MFHAS1: variants seen among roughly 807,000 people sequenced by gnomAD.
The protein encoded by MFHAS1 is multifunctional ROCO family signaling regulator 1.
In MFHAS1, 50 loss-of-function variants were observed where a neutral mutation model predicts 70.4. That is an observed-to-expected ratio of 0.71 (90% CI 0.57 to 0.90). The LOEUF is 0.90. MFHAS1 is among the 40% of genes least tolerant of loss of function. The pLI, the probability that MFHAS1 is intolerant of heterozygous loss-of-function variation, is 0.00. For missense variants in MFHAS1, 1,795 were observed against 1,347.6 expected, an observed-to-expected ratio of 1.33 and a Z score of -5.20; for synonymous variants, 952 against 620.0, an observed-to-expected ratio of 1.54 and a Z score of -7.96.
chr8:8,798,120 A>G (rs1303771026), intron 1 of MFHAS1, among the ~76,000 whole-genome samples: 5 of 152,196 alleles, frequency 3.3e-5, no homozygotes, highest in Admixed American at 1.3e-4. Context: ...CACAATACTT[A>G]AAGGAACGCT....
At chr8:8,829,743 G>A (rs1807300350) in intron 1 of MFHAS1, among the ~76,000 whole-genome samples, 2 of 152,198 alleles carry the variant, frequency 1.3e-5, no homozygotes, top group African/African-American at 4.8e-5. Flanking sequence ...TATCCTCAGT[G>A]CCTGACACAA....
rs1805454462 is a variant in MFHAS1, at chr8:8,784,177, A to G, written c.*1845T>C. ...TTCTAAAGACAGGTCAAAGTTGGTT[A>G]ATTTAACAGTTGAGGAACCGTCTCA... On this transcript the variant is annotated 3_prime_UTR_variant, in exon 3 of 3. Coordinates refer to ENST00000276282, the MANE Select transcript of MFHAS1 (RefSeq NM_004225.3). 6.6e-6 allele frequency: 1 copy of G among 152,170 alleles called. No individual in the cohort carries two copies. Among genetic ancestry groups the G allele is most frequent in the African/African-American group, 2.4e-5 (1 of 41,436 alleles). The allele number at this position is 152,170 out of a possible 1,614,324, so 9.4% of individuals were successfully genotyped here.
At chr8:8,821,520 A>G (rs1205708926) in intron 1 of MFHAS1, among the ~76,000 whole-genome samples, 1 of 152,202 alleles carries the variant, frequency 6.6e-6, no homozygotes, top group African/African-American at 2.4e-5. Context: ...ATACCAGTCA[A>G]TCATCACTGA....
Position 8,784,124 on chromosome 8 carries a change from T to C in MFHAS1, c.*1898A>G, listed in dbSNP as rs1411079976. The C allele has an allele frequency of 6.6e-6, 1 of 152,154 alleles. No homozygotes were observed. Among genetic ancestry groups the C allele is most frequent in the African/African-American group, 2.4e-5 (1 of 41,428 alleles). 9.4% of individuals were successfully genotyped at this position (152,154 alleles called of 1,614,324 possible). A position where few individuals can be genotyped will look rare whatever the true frequency, so the allele number is the denominator to read the frequency against. Reference sequence around the variant, plus strand: ...TCATTTAATATGGTCCCCGGGGAGTTAGCCCAAAATCATACAAATAAGCCT... The same window carrying C: ...TCATTTAATATGGTCCCCGGGGAGTCAGCCCAAAATCATACAAATAAGCCT... On this transcript the variant is annotated 3_prime_UTR_variant, in exon 3 of 3. Transcript: ENST00000276282.
chr8:8,890,462 T>G lies in MFHAS1; in HGVS notation c.2597A>C (p.Asn866Thr). The change falls in exon 1 of 3, where the codon AAT (asparagine) becomes ACT (threonine). Residue 866 changes from asparagine to threonine, a missense_variant. Coordinates refer to ENST00000276282, the MANE Select transcript of MFHAS1 (RefSeq NM_004225.3). ...NEVPHAEAWI[N>T]GTNLAGQSFV... ...AGACTGCCCAGCTAGGTTGGTCCCATTAATCCAGGCTTCTGCATGGGGCAC... is the reference window on the plus strand; with the variant it reads ...AGACTGCCCAGCTAGGTTGGTCCCAGTAATCCAGGCTTCTGCATGGGGCAC... 1.2e-6 allele frequency: 2 copies of G among 1,613,970 alleles called. No individual in the cohort carries two copies. Among genetic ancestry groups the G allele is most frequent in the Non-Finnish European group, 1.7e-6 (2 of 1,180,040 alleles).
chr8:8,818,665 A>G (rs1319707041), intron 1 of MFHAS1, among the ~76,000 whole-genome samples: 1 of 152,210 alleles, frequency 6.6e-6, no homozygotes, highest in East Asian at 1.9e-4. Context: ...CATAATAGCA[A>G]CTCACTCAAT....
intron 1 of MFHAS1, among the ~76,000 whole-genome samples, chr8:8,819,963 G>A (rs1045410779): frequency 6.6e-6 from 1 of 152,148 alleles, no homozygotes; most frequent in African/African-American, 2.4e-5. Flanking sequence ...CTCCCAAAGT[G>A]TTGGGACTGC....
At chr8:8,855,640 G>C (rs930625630) in intron 1 of MFHAS1, among the ~76,000 whole-genome samples, 2 of 152,142 alleles carry the variant, frequency 1.3e-5, no homozygotes, top group Non-Finnish European at 2.9e-5. Context: ...TGGATTACTT[G>C]AGGTCAGAAG....
rs758770393 is a variant in MFHAS1, at chr8:8,892,923, C to CGGCCCCGGCCCCGGGGCA, written c.118_135dup (p.Cys40_Ala45dup). The CGGCCCCGGCCCCGGGGCA allele has an allele frequency of 1.3e-5, 20 of 1,548,842 alleles. No individual in the cohort carries two copies. The highest frequency in any genetic ancestry group is 2.4e-5 in the East Asian group (1 of 41,130). ...GGGGAGGCGGGGGACTCGAGCGCGT[C>CGGCCCCGGCCCCGGGGCA]GGCCCCGGCCCCGGGGCAGGCCCCG... On this transcript the variant is annotated inframe_insertion, in exon 1 of 3. Coordinates refer to ENST00000276282, the MANE Select transcript of MFHAS1 (RefSeq NM_004225.3). The surrounding 1 kb of genome is among the most constrained non-coding windows in gnomAD (Gnocchi z 4.7).
At chr8:8,787,623 C>T (rs1188045649) in intron 2 of MFHAS1, among the ~76,000 whole-genome samples, 3 of 152,162 alleles carry the variant, frequency 2.0e-5, no homozygotes, top group Non-Finnish European at 4.4e-5. Flanking sequence ...TGAAAACTGC[C>T]TCAAATTCAA....
chr8:8,806,250 T>G (rs907961957), intron 1 of MFHAS1, among the ~76,000 whole-genome samples: 1 of 152,158 alleles, frequency 6.6e-6, no homozygotes, highest in Non-Finnish European at 1.5e-5. Context: ...GGGAGTTTCC[T>G]TCCCCAAGTG....
chr8:8,785,094 A>G lies in MFHAS1; in HGVS notation c.*928T>C, dbSNP rs1805490775. ...GCTAAGTAAGGTACTTATTAAGCAG[A>G]GCACTTTGTAAGATTCAGAACTGAC... is the stretch of plus-strand genomic sequence containing the variant. On this transcript the variant is annotated 3_prime_UTR_variant, in exon 3 of 3. Transcript: ENST00000276282. The G allele has an allele frequency of 6.6e-6, 1 of 152,200 alleles. No individual in the cohort carries two copies. Among genetic ancestry groups the G allele is most frequent in the Non-Finnish European group, 1.5e-5 (1 of 68,040 alleles). The allele number at this position is 152,200 out of a possible 1,614,324, so 9.4% of individuals were successfully genotyped here.
At chr8:8,861,255 G>A (rs574343078) in intron 1 of MFHAS1, among the ~76,000 whole-genome samples, 35 of 152,308 alleles carry the variant, frequency 2.3e-4, no homozygotes, top group African/African-American at 8.2e-4. Flanking sequence ...ATCGAGATGT[G>A]ACCATTGCCA....
chr8:8,822,363 G>C (rs2117305121), intron 1 of MFHAS1, among the ~76,000 whole-genome samples: 1 of 152,334 alleles, frequency 6.6e-6, no homozygotes, highest in East Asian at 1.9e-4. Flanking sequence ...ACTGAGACGT[G>C]ACCATGCCTG....
At chr8:8,861,968 T>C (rs1415493935) in intron 1 of MFHAS1, among the ~76,000 whole-genome samples, 2 of 152,248 alleles carry the variant, frequency 1.3e-5, no homozygotes, top group Non-Finnish European at 2.9e-5. Flanking sequence ...TTCCAGTATG[T>C]GGCAATTGTG....
At chr8:8,846,348 G>A (rs1371215882) in intron 1 of MFHAS1, among the ~76,000 whole-genome samples, 6 of 118,430 alleles carry the variant, frequency 5.1e-5, no homozygotes, top group African/African-American at 1.9e-4. Flanking sequence ...GGAGGAGGGG[G>A]AGGAGGGGGA....
intron 1 of MFHAS1, among the ~76,000 whole-genome samples, chr8:8,829,742 T>C (rs1488811912): frequency 6.6e-6 from 1 of 152,186 alleles, no homozygotes; most frequent in Admixed American, 6.5e-5. Flanking sequence ...GTATCCTCAG[T>C]GCCTGACACA....
In MFHAS1 at chr8:8,893,541, G is replaced by C. The variant is rs1234807462; in HGVS notation, c.-483C>G. On this transcript the variant is annotated 5_prime_UTR_variant, in exon 1 of 3. Coordinates refer to ENST00000276282, the MANE Select transcript of MFHAS1 (RefSeq NM_004225.3). ...GGGGCGCAGCCGCGGGGAGGGGGCG[G>C]CGGCGCCTCCTTGTCTCCGTTTCCC... The C allele has an allele frequency of 1.4e-5, 2 of 146,502 alleles. No individual in the cohort carries two copies. Among genetic ancestry groups the C allele is most frequent in the Non-Finnish European group, 3.0e-5 (2 of 65,788 alleles). The allele number at this position is 146,502 out of a possible 1,614,324, so 9.1% of individuals were successfully genotyped here. A position where few individuals can be genotyped will look rare whatever the true frequency, so the allele number is the denominator to read the frequency against.
chr8:8,827,638 G>A (rs1807211512), intron 1 of MFHAS1, among the ~76,000 whole-genome samples: 1 of 152,090 alleles, frequency 6.6e-6, no homozygotes, highest in Non-Finnish European at 1.5e-5. Flanking sequence ...TGACACATAG[G>A]CTGCAAATAT....
Sources: allele counts gnomAD v4.1 joint callset (sites outside exome capture counted in the v4.1 genomes callset), GRCh38; gene constraint gnomAD v4.1.1; non-coding constraint Gnocchi (gnomAD v3.1); transcripts MANE v1.5; gene names NCBI Gene and HGNC (gene_info 2026-07-23, HGNC 2026-07-21).